SULT4A1: variants seen among roughly 807,000 people sequenced by gnomAD.
The protein encoded by SULT4A1 is sulfotransferase 4A1.
Under a neutral mutation model 35.2 loss-of-function variants are expected in SULT4A1, and 11 were observed. That is an observed-to-expected ratio of 0.31 (90% CI 0.20 to 0.52). The LOEUF (loss-of-function observed/expected upper bound fraction) is 0.52. Among genes scored for constraint, SULT4A1 ranks in the 20% least tolerant of loss-of-function variants. The probability of loss-of-function intolerance (pLI) is 0.97; values close to 1 mark genes in which losing one functional copy is unlikely to be tolerated. For synonymous variants in SULT4A1, 152 were observed against 151.8 expected (o/e 1.00, Z -0.01); for missense variants, 271 against 383.7 (o/e 0.71, Z 2.45).
intron 1 of SULT4A1, among the ~76,000 whole-genome samples, chr22:43,845,324 C>T (rs913921973): frequency 6.6e-6 from 1 of 152,082 alleles, no homozygotes. Flanking sequence ...CAGTACCTCA[C>T]CCGCTGCCCA....
intron 1 of SULT4A1, among the ~76,000 whole-genome samples, chr22:43,858,049 C>CCA (rs2049422385): frequency 1.1e-5 from 1 of 91,766 alleles, no homozygotes. Context: ...GATCCTGTCT[C>CCA]AAAAAAAAAA....
intron 5 of SULT4A1, among the ~76,000 whole-genome samples, chr22:43,831,960 G>A (rs2063328833): frequency 6.6e-6 from 1 of 152,248 alleles, no homozygotes; most frequent in Non-Finnish European, 1.5e-5. Flanking sequence ...CCTGCACGTA[G>A]GTGATGCTCA....
intron 5 of SULT4A1, among the ~76,000 whole-genome samples, chr22:43,830,956 A>G (rs2063320853): frequency 6.6e-6 from 1 of 152,232 alleles, no homozygotes; most frequent in Non-Finnish European, 1.5e-5. Context: ...AAAACAAGCC[A>G]TTACTGAGGT....
intron 1 of SULT4A1, among the ~76,000 whole-genome samples, chr22:43,860,108 G>A (rs2148312294): frequency 6.6e-6 from 1 of 152,332 alleles, no homozygotes; most frequent in Admixed American, 6.5e-5. Context: ...GGGTGGGAAG[G>A]GGCTGACAAG....
intron 1 of SULT4A1, among the ~76,000 whole-genome samples, chr22:43,850,599 C>CAT (rs1272504417): frequency 1.3e-5 from 2 of 152,196 alleles, no homozygotes; most frequent in African/African-American, 4.8e-5. Context: ...CCCCTGTTCC[C>CAT]TCTGCTCTCC....
At position 43,830,009 on chromosome 22, in the gene SULT4A1, C is replaced by G. The variant is rs1327346021; in HGVS notation, c.604-811G>C. Among the ~76,000 whole-genome samples, 8 of 152,332 alleles carry G rather than the reference C, an allele frequency of 5.3e-5. 1 individual carries two copies. In the South Asian group the frequency reaches 1.7e-3, roughly 32 times the overall value. ...CTTAAAAGACAATGTTCTCTGACCG[C>G]TGGTGTGGGAGTCAGCTGGTGTGGG... On this transcript the variant is annotated intron_variant, in intron 5 of 6. Coordinates refer to ENST00000330884, the MANE Select transcript of SULT4A1 (RefSeq NM_014351.4).
chr22:43,832,347 C>T (rs2063331281), intron 5 of SULT4A1, among the ~76,000 whole-genome samples: 2 of 152,172 alleles, frequency 1.3e-5, no homozygotes, highest in Admixed American at 6.5e-5. Context: ...TCTTTCCTCA[C>T]CATAACACAG....
chr22:43,837,562 G>A (rs2063387483), intron 4 of SULT4A1, among the ~76,000 whole-genome samples: 1 of 152,184 alleles, frequency 6.6e-6, no homozygotes, highest in African/African-American at 2.4e-5. Context: ...GGCTCAGGGG[G>A]CTTCAGGGTG....
intron 3 of SULT4A1, among the ~76,000 whole-genome samples, chr22:43,839,633 A>G (rs1440465645): frequency 6.6e-6 from 1 of 152,210 alleles, no homozygotes; most frequent in Admixed American, 6.5e-5. Flanking sequence ...AGGCCTTGGC[A>G]TTTGATGCAA....
intron 5 of SULT4A1, among the ~76,000 whole-genome samples, chr22:43,833,423 G>A (rs375017259): frequency 3.5e-4 from 53 of 150,524 alleles, no homozygotes; most frequent in East Asian, 9.9e-4. Context: ...CCTCAGCCTC[G>A]CACGGCATGG....
chr22:43,862,477 C>T lies in SULT4A1; in HGVS notation c.-95G>A, dbSNP rs953907132. 17 of 964,020 alleles carry T rather than the reference C, an allele frequency of 1.8e-5. No individual in the cohort carries two copies. Among genetic ancestry groups the T allele is most frequent in the Middle Eastern group, 5.3e-4 (1 of 1,878 alleles). The allele number at this position is 964,020 out of a possible 1,614,324, so 59.7% of individuals were successfully genotyped here. On this transcript the variant is annotated 5_prime_UTR_variant, in exon 1 of 7. Transcript: ENST00000330884. ...CGCCCGCGCCCCGCACACGCTCGCG[C>T]CCCACCGGCGCGCGGCGGCAGCTCC...
chr22:43,851,934 T>G (rs1299841540), intron 1 of SULT4A1, among the ~76,000 whole-genome samples: 3 of 152,188 alleles, frequency 2.0e-5, no homozygotes, highest in Non-Finnish European at 4.4e-5. Flanking sequence ...GCCTGCCCAG[T>G]GAGACAGCAC....
intron 1 of SULT4A1, among the ~76,000 whole-genome samples, chr22:43,852,493 A>C (rs2148302309): frequency 6.6e-6 from 1 of 152,036 alleles, no homozygotes; most frequent in South Asian, 2.1e-4. Flanking sequence ...CTGAACTTTT[A>C]AAGGGGCAAC....
chr22:43,833,806 C>T (rs375095110), intron 4 of SULT4A1, 72 bp from the exon 5 acceptor site: 12 of 1,319,008 alleles, frequency 9.1e-6, no homozygotes, highest in Non-Finnish European at 1.3e-5. Context: ...CATCCCCACC[C>T]CACAGGGCTG....
In SULT4A1 at chr22:43,852,331, C is replaced by G. The variant is rs6006561; in HGVS notation, c.169+9883G>C. Among the ~76,000 whole-genome samples, 616 of 145,346 alleles carry G rather than the reference C, an allele frequency of 4.2e-3. 8 individuals are homozygous for G. The highest frequency in any genetic ancestry group is 0.014 in the African/African-American group (592 of 40,988). On this transcript the variant is annotated intron_variant, in intron 1 of 6. Transcript: ENST00000330884. Reference sequence around the variant, plus strand: ...CACAGGCACACACCACCACACCTGGCTAGGTTTTTTTTTGTTGTTTTTTTT... The same window carrying G: ...CACAGGCACACACCACCACACCTGGGTAGGTTTTTTTTTGTTGTTTTTTTT...
intron 1 of SULT4A1, among the ~76,000 whole-genome samples, chr22:43,861,552 G>A (rs1162702136): frequency 2.6e-5 from 4 of 152,184 alleles, no homozygotes; most frequent in Non-Finnish European, 5.9e-5. Context: ...ACTGTAAAGT[G>A]GGAATGACCA....
At chr22:43,843,862 C>T (rs552321866) in intron 1 of SULT4A1, among the ~76,000 whole-genome samples, 46 of 152,246 alleles carry the variant, frequency 3.0e-4, no homozygotes, top group Non-Finnish European at 5.9e-4. Flanking sequence ...CAAACGTGGG[C>T]AGGGAGGGTG....
At chr22:43,852,626 C>T (rs972496123) in intron 1 of SULT4A1, among the ~76,000 whole-genome samples, 14 of 152,202 alleles carry the variant, frequency 9.2e-5, no homozygotes, top group African/African-American at 2.9e-4. Context: ...AGGTGAAGGA[C>T]GTCTGTTAAA....
At chr22:43,850,195 AT>A (rs1474257086) in intron 1 of SULT4A1, among the ~76,000 whole-genome samples, 1 of 152,196 alleles carries the variant, frequency 6.6e-6, no homozygotes, top group Non-Finnish European at 1.5e-5. Flanking sequence ...CCTTTGGTAG[AT>A]TATTTTTACC....
Sources: gnomAD v4.1 joint callset for allele counts (sites outside exome capture counted in the v4.1 genomes callset) on GRCh38, gnomAD v4.1.1 for gene constraint, MANE v1.5 for transcripts, NCBI Gene and HGNC (gene_info 2026-07-23, HGNC 2026-07-21) for gene names.